Variants in MGMT observed in about 807,000 individuals in gnomAD.
MGMT encodes the protein methylated-DNA--protein-cysteine methyltransferase.
A neutral mutation model predicts 15.9 loss-of-function variants in MGMT; 14 were observed. The observed-to-expected ratio is 0.88, with a 90% CI of 0.58 to 1.37. The LOEUF (loss-of-function observed/expected upper bound fraction) is 1.37, where lower values mean the gene tolerates loss of function less well. MGMT is among the 40% of genes most tolerant of loss of function. MGMT has a pLI of 0.00. For synonymous variants in MGMT, 130 were observed against 118.2 expected, an observed-to-expected ratio of 1.10 and a Z score of -0.65; for missense variants, 282 against 268.1, an observed-to-expected ratio of 1.05 and a Z score of -0.36.
chr10:129,671,933 G>A (rs1052845310), intron 2 of MGMT, among the ~76,000 whole-genome samples: 1 of 152,180 alleles, frequency 6.6e-6, no homozygotes, highest in Non-Finnish European at 1.5e-5. Context: ...TGGCTATACA[G>A]AATTTACAAC....
chr10:129,575,734 A>G (rs977830006), intron 2 of MGMT, among the ~76,000 whole-genome samples: 9 of 152,042 alleles, frequency 5.9e-5, no homozygotes, highest in South Asian at 2.1e-4. Context: ...CAAAAAATCA[A>G]TGAATCCAGG....
At chr10:129,752,319 C>G (rs1450438860) in intron 3 of MGMT, among the ~76,000 whole-genome samples, 1 of 151,844 alleles carries the variant, frequency 6.6e-6, no homozygotes, top group Non-Finnish European at 1.5e-5. Context: ...TTTGTGTTTG[C>G]ATGGTATATC....
chr10:129,697,420 G>A (rs1564764833), intron 2 of MGMT, among the ~76,000 whole-genome samples: 1 of 152,108 alleles, frequency 6.6e-6, no homozygotes, highest in Non-Finnish European at 1.5e-5. Flanking sequence ...TTGGAGTCAG[G>A]CTTTCATTCC....
chr10:129,497,606 C>T lies in MGMT; in HGVS notation c.-13+30310C>T, dbSNP rs542674593. Among the ~76,000 whole-genome samples, 42 of 152,320 alleles carry T rather than the reference C, an allele frequency of 2.8e-4. 1 individual carries two copies. The highest frequency in any genetic ancestry group is 4.7e-4 in the Non-Finnish European group (32 of 68,036). ...ACTTACCACAACCAGGGCGCTAACA[C>T]GGGTGCACTACTGTAAACCTTGCCA... On this transcript the variant is annotated intron_variant, in intron 1 of 4. Coordinates refer to ENST00000651593, the MANE Select transcript of MGMT (RefSeq NM_002412.5).
chr10:129,583,674 A>G (rs1221121315), intron 2 of MGMT, among the ~76,000 whole-genome samples: 1 of 152,232 alleles, frequency 6.6e-6, no homozygotes, highest in African/African-American at 2.4e-5. Context: ...TGTGGCACAC[A>G]TAGCAGGACC....
chr10:129,758,014 A>C (rs1442278474), intron 3 of MGMT, among the ~76,000 whole-genome samples: 2 of 152,226 alleles, frequency 1.3e-5, no homozygotes, highest in Non-Finnish European at 2.9e-5. Flanking sequence ...CTACTAATCC[A>C]TGTAAATTAA....
At chr10:129,674,924 G>A (rs1252694837) in intron 2 of MGMT, among the ~76,000 whole-genome samples, 5 of 152,354 alleles carry the variant, frequency 3.3e-5, no homozygotes, top group East Asian at 1.9e-4. Flanking sequence ...TGAACAAAGC[G>A]TGGCTCAGTC....
intron 4 of MGMT, among the ~76,000 whole-genome samples, chr10:129,760,844 G>A (rs113424572): frequency 0.021 from 3,145 of 152,246 alleles, 90 homozygotes; most frequent in African/African-American, 0.071. Flanking sequence ...CCTGTCCTCA[G>A]TTTTGGTGAC....
intron 2 of MGMT, among the ~76,000 whole-genome samples, chr10:129,564,548 A>ATCTTCCTCTTCTTCCTCC (rs1846326587): frequency 2.1e-5 from 1 of 47,478 alleles, no homozygotes; most frequent in African/African-American, 9.3e-5. Flanking sequence ...CCACTTCCTC[A>ATCTTCCTCTTCTTCCTCC]TCTTCCTCTT....
intron 1 of MGMT, among the ~76,000 whole-genome samples, chr10:129,471,582 A>G (rs1254338305): frequency 2.0e-5 from 3 of 152,012 alleles, no homozygotes; most frequent in Non-Finnish European, 2.9e-5. Context: ...TGCTCTCCGT[A>G]AAGTGGGATC....
intron 2 of MGMT, among the ~76,000 whole-genome samples, chr10:129,579,742 A>G (rs1846530367): frequency 6.6e-6 from 1 of 152,216 alleles, no homozygotes; most frequent in Non-Finnish European, 1.5e-5. Context: ...CTGGCAGTGC[A>G]GTAGGTCACA....
At chr10:129,543,892 A>G (rs1017115247) in intron 2 of MGMT, among the ~76,000 whole-genome samples, 2 of 152,354 alleles carry the variant, frequency 1.3e-5, no homozygotes, top group Middle Eastern at 3.4e-3. Flanking sequence ...AGTTCAGAAT[A>G]TGATCCAAAG....
In MGMT at chr10:129,768,063, A is replaced by G. The variant is rs146544146; in HGVS notation, c.*1066A>G. 43 of 152,368 alleles carry G rather than the reference A, an allele frequency of 2.8e-4. No individual in the cohort carries two copies. In the East Asian group the frequency reaches 7.3e-3, roughly 26 times the overall value. 9.4% of individuals were successfully genotyped at this position (152,368 alleles called of 1,614,324 possible). On this transcript the variant is annotated 3_prime_UTR_variant, in exon 5 of 5. Transcript: ENST00000651593. ...GAAAATGAACTGCACCCAGCTGTGCACTAGAGCGCCATGTTCTTACCCAGC... is the reference window on the plus strand; with the variant it reads ...GAAAATGAACTGCACCCAGCTGTGCGCTAGAGCGCCATGTTCTTACCCAGC...
chr10:129,615,913 G>C (rs906627882), intron 2 of MGMT, among the ~76,000 whole-genome samples: 2 of 152,164 alleles, frequency 1.3e-5, no homozygotes, highest in South Asian at 4.1e-4. Flanking sequence ...CAGTAATGTG[G>C]CTCCTTCCCC....
At chr10:129,732,474 G>A (rs2133163761) in intron 3 of MGMT, among the ~76,000 whole-genome samples, 1 of 152,004 alleles carries the variant, frequency 6.6e-6, no homozygotes, top group South Asian at 2.1e-4. Flanking sequence ...TCCCTGCAAA[G>A]GACATGAACT....
At chr10:129,760,704 T>C (rs1293541173) in intron 4 of MGMT, among the ~76,000 whole-genome samples, 1 of 152,142 alleles carries the variant, frequency 6.6e-6, no homozygotes, top group African/African-American at 2.4e-5. Flanking sequence ...TCTGGTAGGT[T>C]TGTAGTGGAT....
intron 2 of MGMT, among the ~76,000 whole-genome samples, chr10:129,639,328 C>G (rs1847301098): frequency 6.6e-6 from 1 of 152,088 alleles, no homozygotes; most frequent in African/African-American, 2.4e-5. Context: ...CCAAAAAGAC[C>G]TAACAGTCTT....
chr10:129,690,380 C>T (rs148030002), intron 2 of MGMT, among the ~76,000 whole-genome samples: 1 of 152,326 alleles, frequency 6.6e-6, no homozygotes, highest in African/African-American at 2.4e-5. Flanking sequence ...GAGGTTTTCA[C>T]TTATTCACTC....
intron 2 of MGMT, among the ~76,000 whole-genome samples, chr10:129,538,700 A>G (rs554540539): frequency 5.3e-5 from 8 of 151,798 alleles, no homozygotes; most frequent in Non-Finnish European, 8.8e-5. Context: ...CAGTGGTGCA[A>G]TCTCGGCTCA....
Sources: gnomAD v4.1 joint callset for allele counts (sites outside exome capture counted in the v4.1 genomes callset) on GRCh38, gnomAD v4.1.1 for gene constraint, MANE v1.5 for transcripts, NCBI Gene and HGNC (gene_info 2026-07-23, HGNC 2026-07-21) for gene names.